Variants in TMPRSS11B observed in about 807,000 individuals in gnomAD.
The protein encoded by TMPRSS11B is transmembrane serine protease 11B.
In TMPRSS11B, 53 loss-of-function variants were observed where a neutral mutation model predicts 44.7. That is an observed-to-expected ratio of 1.19 (90% confidence interval 0.95 to 1.49). The LOEUF (loss-of-function observed/expected upper bound fraction) is 1.49, where lower values mean the gene tolerates loss of function less well. Ranked by LOEUF, TMPRSS11B falls within the 40% of genes most tolerant of loss-of-function variation. TMPRSS11B has a pLI of 0.00. For synonymous variants in TMPRSS11B, 140 were observed against 159.2 expected (o/e 0.88, Z 0.91); for missense variants, 526 against 494.8 (o/e 1.06, Z -0.60).
At chr4:68,244,718 A>G (rs1719952684) in intron 1 of TMPRSS11B, among the ~76,000 whole-genome samples, 1 of 152,232 alleles carries the variant, frequency 6.6e-6, no homozygotes, top group Admixed American at 6.5e-5. Context: ...GGTCCATGCC[A>G]GTGGTTAGAT....
chr4:68,243,614 C>T (rs1371103762), intron 1 of TMPRSS11B, among the ~76,000 whole-genome samples: 2 of 152,114 alleles, frequency 1.3e-5, no homozygotes, highest in East Asian at 3.8e-4. Flanking sequence ...TCAGGCATAG[C>T]ATTTTTAATA....
At chr4:68,234,181 A>G (rs1157055189) in intron 5 of TMPRSS11B, among the ~76,000 whole-genome samples, 2 of 151,718 alleles carry the variant, frequency 1.3e-5, no homozygotes, top group Non-Finnish European at 2.9e-5. Context: ...ACAAGAAGAT[A>G]ATTCAATTAG....
At chr4:68,233,264 T>A (rs991427647) in intron 5 of TMPRSS11B, among the ~76,000 whole-genome samples, 17 of 152,218 alleles carry the variant, frequency 1.1e-4, no homozygotes, top group African/African-American at 3.6e-4. Context: ...AGTGGTTCAC[T>A]GGTAACGGGG....
At chr4:68,230,037 T>C (rs1009508592) in intron 7 of TMPRSS11B, among the ~76,000 whole-genome samples, 9 of 152,198 alleles carry the variant, frequency 5.9e-5, no homozygotes, top group Non-Finnish European at 1.0e-4. Flanking sequence ...CCAGCATTAA[T>C]TCATTTAGTT....
intron 2 of TMPRSS11B, among the ~76,000 whole-genome samples, chr4:68,240,104 G>T (rs757072978): frequency 1.3e-4 from 20 of 152,160 alleles, no homozygotes; most frequent in Non-Finnish European, 2.6e-4. Flanking sequence ...AATAATAGAT[G>T]TATTTAGACA....
At chr4:68,233,425 C>G (rs913382941) in intron 5 of TMPRSS11B, among the ~76,000 whole-genome samples, 2 of 152,090 alleles carry the variant, frequency 1.3e-5, no homozygotes, top group Non-Finnish European at 2.9e-5. Flanking sequence ...TTTAACAATC[C>G]AAGTGACAGT....
chr4:68,241,543 TTC>T, intron 2 of TMPRSS11B, 144 bp downstream of exon 2: 1 of 580,906 alleles, frequency 1.7e-6, no homozygotes, highest in South Asian at 2.7e-5. Context: ...TTTTATAAAT[TTC>T]TGTGTCATAA....
intron 5 of TMPRSS11B, among the ~76,000 whole-genome samples, chr4:68,234,040 C>T (rs1009273871): frequency 6.6e-6 from 1 of 151,706 alleles, no homozygotes; most frequent in African/African-American, 2.4e-5. Flanking sequence ...GGTGTGGTGG[C>T]GGATGCTTGT....
intron 9 of TMPRSS11B, among the ~76,000 whole-genome samples, 188 bp from the exon 10 acceptor site, chr4:68,228,260 C>A (rs1229080302): frequency 6.6e-6 from 1 of 152,100 alleles, no homozygotes; most frequent in Non-Finnish European, 1.5e-5. Flanking sequence ...TGGCCTAAAA[C>A]TGCCAAATGT....
intron 7 of TMPRSS11B, among the ~76,000 whole-genome samples, chr4:68,230,084 A>G (rs1210949597): frequency 6.6e-6 from 1 of 152,158 alleles, no homozygotes; most frequent in African/African-American, 2.4e-5. Context: ...TGTTCCTGCA[A>G]AGGCCATGAT....
chr4:68,233,535 G>A (rs186914696), intron 5 of TMPRSS11B, among the ~76,000 whole-genome samples: 2 of 152,034 alleles, frequency 1.3e-5, no homozygotes, highest in East Asian at 3.9e-4. Context: ...TGGGAAAGAG[G>A]GATAGATTGT....
At chr4:68,241,087 T>G (rs1719808313) in intron 2 of TMPRSS11B, among the ~76,000 whole-genome samples, 1 of 152,104 alleles carries the variant, frequency 6.6e-6, no homozygotes. Context: ...GAAGATAAAG[T>G]GGAATGATGG....
At chr4:68,231,466 T>G in intron 6 of TMPRSS11B, 86 bp from the exon 7 acceptor site, 1 of 1,227,950 alleles carries the variant, frequency 8.1e-7, no homozygotes, top group East Asian at 2.5e-5. Flanking sequence ...ACTTGAAACC[T>G]TTCAGTGATT....
Position 68,245,536 on chromosome 4 carries a change from T to G in TMPRSS11B, c.8+15A>C. The G allele has an allele frequency of 7.4e-6, 12 of 1,613,488 alleles. No homozygotes were observed. Among genetic ancestry groups the G allele is most frequent in the Non-Finnish European group, 1.0e-5 (12 of 1,179,584 alleles). ...CATTTTGCCAACTTGCTCTCCCCAG[T>G]GAAGTCCCCTTTACCTGTACATAAT... is the stretch of plus-strand genomic sequence containing the variant. On this transcript the variant is annotated intron_variant, in intron 1 of 9. Coordinates refer to ENST00000332644, the MANE Select transcript of TMPRSS11B (RefSeq NM_182502.3).
intron 8 of TMPRSS11B, 125 bp from the exon 9 acceptor site, chr4:68,229,009 G>C (rs553023932): frequency 9.3e-7 from 1 of 1,073,688 alleles, no homozygotes; most frequent in African/African-American, 1.6e-5. Flanking sequence ...GGTTAGATTA[G>C]TCTCTTTCAG....
At chr4:68,230,051 A>G (rs561698383) in intron 7 of TMPRSS11B, among the ~76,000 whole-genome samples, 4 of 152,280 alleles carry the variant, frequency 2.6e-5, no homozygotes, top group African/African-American at 9.6e-5. Flanking sequence ...TTTAGTTTGG[A>G]TAATAGCCTG....
chr4:68,233,289 C>T (rs530185812), intron 5 of TMPRSS11B, among the ~76,000 whole-genome samples: 73 of 152,184 alleles, frequency 4.8e-4, no homozygotes, highest in Non-Finnish European at 7.5e-4. Flanking sequence ...TATTGTGTGG[C>T]AAAAGAGCGG....
chr4:68,239,726 T>C (rs1394239051), intron 2 of TMPRSS11B, among the ~76,000 whole-genome samples: 1 of 152,142 alleles, frequency 6.6e-6, no homozygotes, highest in Non-Finnish European at 1.5e-5. Context: ...TACTAATAGA[T>C]TATAACAATA....
At chr4:68,237,657 C>T (rs1400281314) in intron 2 of TMPRSS11B, among the ~76,000 whole-genome samples, 1 of 152,092 alleles carries the variant, frequency 6.6e-6, no homozygotes, top group African/African-American at 2.4e-5. Context: ...TTTCCTTTCC[C>T]CAAATATAAA....
Sources: gnomAD v4.1 joint callset for allele counts (sites outside exome capture counted in the v4.1 genomes callset) on GRCh38, gnomAD v4.1.1 for gene constraint, MANE v1.5 for transcripts, NCBI Gene and HGNC (gene_info 2026-07-23, HGNC 2026-07-21) for gene names.